COPS7B: variants seen among roughly 807,000 people sequenced by gnomAD.
COPS7B encodes the protein COP9 signalosome subunit 7B, also known as COP9 signalosome complex subunit 7b.
Under a neutral mutation model 33.4 loss-of-function variants are expected in COPS7B, and 9 were observed. The observed-to-expected ratio is 0.27, with a 90% CI of 0.16 to 0.47. COPS7B has a LOEUF of 0.47. COPS7B is among the 20% of genes least tolerant of loss of function. The pLI is 0.99. For synonymous variants in COPS7B, 119 were observed against 126.3 expected (o/e 0.94, Z 0.39); for missense variants, 242 against 318.2 (o/e 0.76, Z 1.82).
rs1559358166 is a variant in COPS7B at position 231,791,785 on chromosome 2, A to G, written c.215A>G (p.Tyr72Cys). 1.2e-6 allele frequency: 2 copies of G among 1,614,094 alleles called. No homozygotes were observed. Among genetic ancestry groups the G allele is most frequent in the Non-Finnish European group, 8.5e-7 (1 of 1,179,972 alleles). Residue 72 changes from tyrosine to cysteine, a missense_variant, in exon 3 of 7, where the codon TAT becomes TGT. Tyr to Cys is a radical substitution (Grantham distance 194, BLOSUM62 -2). Transcript: ENST00000350033. Reference protein sequence around the residue: ...AYLQLLNLFAYGTYPDYIANK... With the variant: ...AYLQLLNLFACGTYPDYIANK... ...TTGCAGTTGTTGAACCTGTTTGCCTATGGGACATACCCAGATTACATAGGT... is the reference window on the plus strand; with the variant it reads ...TTGCAGTTGTTGAACCTGTTTGCCTGTGGGACATACCCAGATTACATAGGT...
chr2:231,802,835 T>C (rs944655819), intron 6 of COPS7B, among the ~76,000 whole-genome samples: 3 of 152,234 alleles, frequency 2.0e-5, no homozygotes, highest in East Asian at 3.8e-4. Context: ...TTCAGAAGTC[T>C]CGTTTGTGAG....
Position 231,788,501 on chromosome 2 carries a change from A to G in COPS7B, c.-16-54A>G, listed in dbSNP as rs147072971. On this transcript the variant is annotated intron_variant, in intron 1 of 6. Transcript: ENST00000350033. ...GTGTTTGATTCAGCACTGAATAGGC[A>G]CAGACTTTGCAAAGGAGAAGGAAGA... is the stretch of plus-strand genomic sequence containing the variant. 306 of 1,548,536 alleles carry G rather than the reference A, an allele frequency of 2.0e-4. No homozygotes were observed. In the African/African-American group the frequency reaches 2.2e-3, roughly 11 times the overall value.
chr2:231,801,096 T>TGTCAACTG, intron 6 of COPS7B: 1 of 1,541,498 alleles, frequency 6.5e-7, no homozygotes, highest in Non-Finnish European at 8.8e-7. Flanking sequence ...AAGCCAATTT[T>TGTCAACTG]GTCAACTGAT....
chr2:231,807,901 T>G lies in COPS7B; in HGVS notation c.*256T>G. On this transcript the variant is annotated 3_prime_UTR_variant, in exon 7 of 7. Coordinates refer to ENST00000350033, the MANE Select transcript of COPS7B (RefSeq NM_022730.4). ...AAAACAGGGTCAGACACTGCCCAGC[T>G]TCCCTCCAGGAGGTTCTTGTCTCTG... 1 of 387,270 alleles carries G rather than the reference T, an allele frequency of 2.6e-6. No homozygotes were observed. The highest frequency in any genetic ancestry group is 4.7e-6 in the Non-Finnish European group (1 of 214,336). 24.0% of individuals were successfully genotyped at this position (387,270 alleles called of 1,614,324 possible).
chr2:231,788,836 C>T, intron 2 of COPS7B, 104 bp downstream of exon 2: 1 of 1,064,248 alleles, frequency 9.4e-7, no homozygotes, highest in Non-Finnish European at 1.4e-6. Flanking sequence ...GTGAGGTACC[C>T]TATTGTGAGA....
upstream of COPS7B, among the ~76,000 whole-genome samples, chr2:231,782,167 T>G (rs1479541844): frequency 6.6e-6 from 1 of 152,190 alleles, no homozygotes; most frequent in East Asian, 1.9e-4. Context: ...CGGGCAGAGT[T>G]AGAATTCAGC....
At chr2:231,788,165 C>T (rs532512108) in intron 1 of COPS7B, among the ~76,000 whole-genome samples, 3 of 127,674 alleles carry the variant, frequency 2.3e-5, no homozygotes, top group African/African-American at 6.0e-5. Flanking sequence ...TTGAGACAGT[C>T]TCGCTCTGTT....
chr2:231,781,811 C>G (rs149343680), upstream of COPS7B: 4 of 1,550,046 alleles, frequency 2.6e-6, no homozygotes, highest in Non-Finnish European at 3.5e-6. Flanking sequence ...ACCCTTCTCA[C>G]CCTCAAAAGA....
intron 6 of COPS7B, among the ~76,000 whole-genome samples, chr2:231,803,145 G>T (rs1028023051): frequency 6.6e-6 from 1 of 152,212 alleles, no homozygotes; most frequent in Non-Finnish European, 1.5e-5. Flanking sequence ...GGAGGCCATC[G>T]AAGAGGGAGA....
At chr2:231,801,957 T>C (rs1574676704) in intron 6 of COPS7B, among the ~76,000 whole-genome samples, 1 of 152,204 alleles carries the variant, frequency 6.6e-6, no homozygotes, top group East Asian at 1.9e-4. Flanking sequence ...GTATTTTTAG[T>C]AGAGACGGGG....
chr2:231,800,663 T>TAAA (rs1340713595), intron 6 of COPS7B, among the ~76,000 whole-genome samples: 1 of 152,190 alleles, frequency 6.6e-6, no homozygotes, highest in East Asian at 1.9e-4. Flanking sequence ...GTAGACTCTT[T>TAAA]AAATTTTGGT....
intron 5 of COPS7B, 132 bp from the exon 6 acceptor site, chr2:231,798,727 G>C: frequency 3.0e-6 from 2 of 669,672 alleles, no homozygotes; most frequent in Non-Finnish European, 5.2e-6. Flanking sequence ...ACGGGCAAGA[G>C]ATGTGGCAGA....
At position 231,807,536 on chromosome 2, in the gene COPS7B, A is replaced by G. The variant is rs1463833094; in HGVS notation, c.686A>G (p.Gln229Arg). The G allele has an allele frequency of 1.2e-6, 2 of 1,613,658 alleles. No individual in the cohort carries two copies. The highest frequency in any genetic ancestry group is 8.5e-7 in the Non-Finnish European group (1 of 1,179,856). Reference protein sequence around the residue: ...TLKATASSSAQEMEQQLAERE... With the variant: ...TLKATASSSAREMEQQLAERE... ...AAAGCCACCGCATCCTCCTCGGCTC[A>G]GGAGATGGAGCAGCAGCTGGCTGAA... is the stretch of plus-strand genomic sequence containing the variant. Residue 229 changes from glutamine (Q) to arginine (R), a missense_variant, in exon 7 of 7, where the codon CAG becomes CGG. Transcript: ENST00000350033.
In COPS7B at chr2:231,791,896, G is replaced by A. The variant is rs1436118316; in HGVS notation, c.238+88G>A. The stretch of plus-strand genomic sequence containing the variant: ...TCAAGGTTTGAGATATAAAGCATGG[G>A]GTAGTGGGGAGACTTCTTGACCTGG... On this transcript the variant is annotated intron_variant, in intron 3 of 6. Transcript: ENST00000350033. The A allele has an allele frequency of 4.9e-6, 6 of 1,215,848 alleles. No homozygotes were observed. In the Admixed American group the frequency reaches 1.0e-4, roughly 21 times the overall value. 75.3% of individuals were successfully genotyped at this position (1,215,848 alleles called of 1,614,324 possible). A position where few individuals can be genotyped will look rare whatever the true frequency, so the allele number is the denominator to read the frequency against.
At chr2:231,792,064 T>C (rs923917363) in intron 3 of COPS7B, 4 of 638,048 alleles carry the variant, frequency 6.3e-6, no homozygotes, top group Admixed American at 2.1e-5. Context: ...ATGAGATTCT[T>C]GAGGACTGGT....
chr2:231,801,207 G>A lies in COPS7B; in HGVS notation c.636+2243G>A, dbSNP rs137916774. 319 of 1,550,454 alleles carry A rather than the reference G, an allele frequency of 2.1e-4. 3 individuals carry two copies. In the East Asian group the frequency reaches 6.1e-3, roughly 30 times the overall value. On this transcript the variant is annotated intron_variant, in intron 6 of 6. Transcript: ENST00000350033. ...AATCTTATAACAACAGCTTTCTTCT[G>A]GTGAGTTGTAGCTTTAAGAGCCCTC...
intron 1 of COPS7B, among the ~76,000 whole-genome samples, chr2:231,787,868 G>C (rs1379504667): frequency 1.3e-5 from 2 of 152,158 alleles, no homozygotes; most frequent in African/African-American, 2.4e-5. Flanking sequence ...CGGTGCCTCT[G>C]TGTATAGGCA....
At chr2:231,798,366 C>G (rs1176813528) in intron 5 of COPS7B, among the ~76,000 whole-genome samples, 1 of 150,542 alleles carries the variant, frequency 6.6e-6, no homozygotes, top group Non-Finnish European at 1.5e-5. Context: ...AAGTGATTCT[C>G]CTGCCTCAGC....
chr2:231,790,519 C>T (rs1003890768), intron 2 of COPS7B: 5 of 152,104 alleles, frequency 3.3e-5, no homozygotes, highest in Admixed American at 2.0e-4. Context: ...CTTTATCTCC[C>T]CATACATTGC....
Sources: gnomAD v4.1 joint callset for allele counts (sites outside exome capture counted in the v4.1 genomes callset) on GRCh38, gnomAD v4.1.1 for gene constraint, MANE v1.5 for transcripts, NCBI Gene and HGNC (gene_info 2026-07-23, HGNC 2026-07-21) for gene names.